Variants in ERO1B observed in about 807,000 individuals in gnomAD.
ERO1B encodes ERO1-like protein beta.
In ERO1B, 49 loss-of-function variants were observed where a neutral mutation model predicts 75.3. The observed-to-expected ratio is 0.65, with a 90% CI of 0.52 to 0.83. The LOEUF (loss-of-function observed/expected upper bound fraction) is 0.83. Ranked by LOEUF, ERO1B falls within the 40% of genes least tolerant of loss-of-function variation. The probability of loss-of-function intolerance (pLI) is 0.00; values close to 1 mark genes in which losing one functional copy is unlikely to be tolerated. For synonymous variants in ERO1B, 191 were observed against 192.9 expected, an observed-to-expected ratio of 0.99 and a Z score of 0.08; for missense variants, 512 against 560.1, an observed-to-expected ratio of 0.91 and a Z score of 0.87.
At chr1:236,258,029 C>G (rs922908713) in intron 2 of ERO1B, among the ~76,000 whole-genome samples, 1 of 150,908 alleles carries the variant, frequency 6.6e-6, no homozygotes, top group Non-Finnish European at 1.5e-5. Context: ...TGGCAGAACA[C>G]TTTCCAAGTC....
intron 4 of ERO1B, among the ~76,000 whole-genome samples, chr1:236,250,835 A>C (rs1665008202): frequency 6.6e-6 from 1 of 151,930 alleles, no homozygotes; most frequent in Non-Finnish European, 1.5e-5. Flanking sequence ...TTTTTTAAAA[A>C]GGTACAACTG....
At chr1:236,254,220 C>T (rs1665106726) in intron 2 of ERO1B, among the ~76,000 whole-genome samples, 3 of 152,188 alleles carry the variant, frequency 2.0e-5, no homozygotes, top group African/African-American at 4.8e-5. Context: ...TACAGGAAGA[C>T]AGTAATTCAA....
chr1:236,220,686 T>G (rs1457827077), intron 15 of ERO1B, 146 bp downstream of exon 15: 3 of 667,596 alleles, frequency 4.5e-6, no homozygotes, highest in African/African-American at 3.7e-5. Flanking sequence ...TTGTCAGCAT[T>G]AAGGCCTCTC....
intron 2 of ERO1B, among the ~76,000 whole-genome samples, chr1:236,262,774 G>A (rs540976939): frequency 6.6e-6 from 1 of 152,262 alleles, no homozygotes; most frequent in South Asian, 2.1e-4. Flanking sequence ...GGTGCAACGA[G>A]TGGACTGTGG....
At chr1:236,249,051 G>A (rs1664953367) in intron 5 of ERO1B, among the ~76,000 whole-genome samples, 1 of 140,676 alleles carries the variant, frequency 7.1e-6, no homozygotes, top group East Asian at 2.1e-4. Flanking sequence ...TTGAGACAGA[G>A]TCTCACTCTT....
intron 13 of ERO1B, among the ~76,000 whole-genome samples, chr1:236,224,094 A>C (rs2102939189): frequency 6.6e-6 from 1 of 152,254 alleles, no homozygotes; most frequent in African/African-American, 2.4e-5. Context: ...GTGAGGAAAC[A>C]CCCTGCAGTC....
chr1:236,232,478 G>A (rs533709627), intron 9 of ERO1B, among the ~76,000 whole-genome samples: 26 of 152,032 alleles, frequency 1.7e-4, no homozygotes, highest in Non-Finnish European at 2.9e-4. Context: ...CAGTCAATAA[G>A]AAAATAAAGA....
At chr1:236,227,050 C>T (rs1664297200) in intron 10 of ERO1B, among the ~76,000 whole-genome samples, 1 of 152,126 alleles carries the variant, frequency 6.6e-6, no homozygotes. Context: ...CACAGGTTTT[C>T]TTGTGGTTTA....
chr1:236,270,279 A>G (rs76343938), intron 1 of ERO1B, among the ~76,000 whole-genome samples: 2 of 152,326 alleles, frequency 1.3e-5, no homozygotes, highest in Non-Finnish European at 2.9e-5. Flanking sequence ...GGCCACTGGA[A>G]TACCAAAGCA....
chr1:236,252,115 A>C (rs1390274562), intron 3 of ERO1B, 24 bp from the exon 4 acceptor site: 10 of 1,521,746 alleles, frequency 6.6e-6, no homozygotes, highest in Non-Finnish European at 9.1e-6. Context: ...GAAAAGCAAA[A>C]AAATTTTTAA....
intron 5 of ERO1B, among the ~76,000 whole-genome samples, chr1:236,249,360 G>A (rs775481336): frequency 6.6e-6 from 1 of 151,922 alleles, no homozygotes; most frequent in Non-Finnish European, 1.5e-5. Context: ...GGAATGTAAA[G>A]GAATTTCTGA....
At chr1:236,224,147 C>A (rs1664222686) in intron 13 of ERO1B, among the ~76,000 whole-genome samples, 1 of 152,074 alleles carries the variant, frequency 6.6e-6, no homozygotes, top group Non-Finnish European at 1.5e-5. Flanking sequence ...AAAATTCATA[C>A]CAAGCAGAAT....
intron 5 of ERO1B, among the ~76,000 whole-genome samples, chr1:236,243,730 T>C (rs916305246): frequency 6.6e-5 from 10 of 152,162 alleles, no homozygotes; most frequent in African/African-American, 2.4e-4. Context: ...TTATTAGGAC[T>C]AGTCAATAAT....
At chr1:236,229,656 C>G (rs1664355008) in intron 10 of ERO1B, among the ~76,000 whole-genome samples, 2 of 151,922 alleles carry the variant, frequency 1.3e-5, no homozygotes, top group African/African-American at 4.8e-5. Context: ...AGTTATTAAC[C>G]TGAGTTATTA....
chr1:236,280,925 T>G (rs1175572861), intron 1 of ERO1B, among the ~76,000 whole-genome samples: 1 of 152,156 alleles, frequency 6.6e-6, no homozygotes, highest in African/African-American at 2.4e-5. Flanking sequence ...AAGGATCTGG[T>G]CAGCTAAGCC....
At chr1:236,228,953 C>CT (rs1664337310) in intron 10 of ERO1B, among the ~76,000 whole-genome samples, 1 of 152,210 alleles carries the variant, frequency 6.6e-6, no homozygotes, top group Non-Finnish European at 1.5e-5. Flanking sequence ...CTCAGAGTCT[C>CT]TGACTACCTT....
intron 2 of ERO1B, among the ~76,000 whole-genome samples, chr1:236,259,675 T>C (rs6680367): frequency 0.07 from 10,452 of 149,730 alleles, 746 homozygotes; most frequent in East Asian, 0.41. Context: ...GGTCAATTTA[T>C]CAAGAAGTTA....
chr1:236,270,680 T>C (rs553749422), intron 1 of ERO1B, among the ~76,000 whole-genome samples: 9 of 152,266 alleles, frequency 5.9e-5, no homozygotes, highest in Non-Finnish European at 1.2e-4. Flanking sequence ...AAATTAAAAA[T>C]GGAACTCATT....
At position 236,236,267 on chromosome 1, in the gene ERO1B, C is replaced by A. The variant is rs182596744; in HGVS notation, c.626+11G>T. 1.9e-6 allele frequency: 3 copies of A among 1,613,480 alleles called. No individual in the cohort carries two copies. The highest frequency in any genetic ancestry group is 3.3e-5 in the Admixed American group (2 of 59,972). ...TCAGTCGTTCCTTCTTCCCCCACCC[C>A]CTCCAGTTACTTGAAACAGTTCTCT... On this transcript the variant is annotated intron_variant, in intron 7 of 15. Coordinates refer to ENST00000354619, the MANE Select transcript of ERO1B (RefSeq NM_019891.4).
Sources: gnomAD v4.1 joint callset for allele counts (sites outside exome capture counted in the v4.1 genomes callset) on GRCh38, gnomAD v4.1.1 for gene constraint, MANE v1.5 for transcripts, NCBI Gene and HGNC (gene_info 2026-07-23, HGNC 2026-07-21) for gene names.